Variants in CUBN observed in about 807,000 individuals in gnomAD.
CUBN encodes the protein 460 kDa receptor.
A neutral mutation model predicts 405.3 loss-of-function variants in CUBN; 282 were observed. The ratio of observed to expected loss-of-function variants is 0.70; its 90% CI spans 0.63 to 0.77. The LOEUF is 0.77. Among genes scored for constraint, CUBN ranks in the 30% least tolerant of loss-of-function variants. The pLI is 0.00. For missense variants in CUBN, 4,514 were observed against 4,475.2 expected, an observed-to-expected ratio of 1.01 and a Z score of -0.25; for synonymous variants, 1,684 against 1,617.0, an observed-to-expected ratio of 1.04 and a Z score of -0.99.
intron 40 of CUBN, among the ~76,000 whole-genome samples, chr10:16,930,116 C>A (rs1226566260): frequency 6.6e-6 from 1 of 152,122 alleles, no homozygotes; most frequent in African/African-American, 2.4e-5. Context: ...TGAGCCTAAT[C>A]TTTAAAGAGG....
At chr10:16,977,157 G>A (rs1164609764) in intron 31 of CUBN, among the ~76,000 whole-genome samples, 2 of 152,106 alleles carry the variant, frequency 1.3e-5, no homozygotes, top group Admixed American at 6.6e-5. Context: ...GATACACACA[G>A]GATACAGGGA....
chr10:16,879,365 T>C (rs1840604782), intron 56 of CUBN, among the ~76,000 whole-genome samples: 1 of 152,240 alleles, frequency 6.6e-6, no homozygotes, highest in African/African-American at 2.4e-5. Flanking sequence ...AAGAACAAAA[T>C]GCTTTTATTT....
At chr10:17,101,046 A>T (rs1044518545) in intron 13 of CUBN, among the ~76,000 whole-genome samples, 2 of 152,238 alleles carry the variant, frequency 1.3e-5, no homozygotes, top group Non-Finnish European at 2.9e-5. Context: ...TTTAATTTTC[A>T]TCAGAACCTA....
chr10:17,039,486 T>G (rs774363562), intron 27 of CUBN, among the ~76,000 whole-genome samples: 3 of 152,168 alleles, frequency 2.0e-5, no homozygotes, highest in African/African-American at 4.8e-5. Context: ...GGAATCAGAA[T>G]AGTCCTAACT....
In CUBN at chr10:17,100,232, C is replaced by G. The variant is rs147322950; in HGVS notation, c.1538G>C (p.Arg513Pro). Residue 513 changes from arginine to proline, a missense_variant, in exon 14 of 67, where the codon CGT becomes CCT. Physicochemically the swap from Arg to Pro is moderately radical, Grantham distance 103 (BLOSUM62 -2). Coordinates refer to ENST00000377833, the MANE Select transcript of CUBN (RefSeq NM_001081.4). The stretch of plus-strand genomic sequence containing the variant: ...TAACCGGAAAAAAGTGAAAGTGATA[C>G]GCAGGACCTAAAAATACAAAGGCCA... ...VIKTEMGKVL[R>P]ITFTFFRLES... 5.6e-6 allele frequency: 9 copies of G among 1,603,452 alleles called. No individual in the cohort carries two copies. Among genetic ancestry groups the G allele is most frequent in the Non-Finnish European group, 7.7e-6 (9 of 1,170,492 alleles).
At position 16,904,345 on chromosome 10, in the gene CUBN, T is replaced by C. The variant is rs73592393; in HGVS notation, c.7913-230A>G. 0.01 allele frequency among the ~76,000 whole-genome samples: 1,530 copies of C among 152,360 alleles called. 26 individuals are homozygous for C. Among genetic ancestry groups the C allele is most frequent in the African/African-American group, 0.035 (1,438 of 41,582 alleles). On this transcript the variant is annotated intron_variant, in intron 50 of 66. Transcript: ENST00000377833. ...AAAGCAATTTTGAAATGAACCTCTA[T>C]GATGGACACCATTTTGTTCCAATTT... is the stretch of plus-strand genomic sequence containing the variant.
rs3740165 is a variant in CUBN, at chr10:16,907,551, T to C, written c.7662A>G (p.Pro2554=). ...TATAGGAAGCAGTGAAGCCGCCATA[T>C]GGCCTGGATCCATCCGTGAAAAAAA... ...KVIFFTDGSR[P]YGGFTASYTS... is the part of the protein sequence containing the mutation. Residue 2554 remains proline (P), a synonymous_variant, in exon 49 of 67, where the codon CCA becomes CCG. Transcript: ENST00000377833. 0.046 allele frequency: 74,004 copies of C among 1,614,024 alleles called. 3,003 individuals carry two copies. Among genetic ancestry groups the C allele is most frequent in the African/African-American group, 0.19 (14,275 of 74,998 alleles).
intron 7 of CUBN, 50 bp from the exon 8 acceptor site, chr10:17,114,239 G>A: frequency 1.9e-6 from 3 of 1,588,976 alleles, no homozygotes; most frequent in East Asian, 2.2e-5. Context: ...AAATCAGCAA[G>A]AAAAGCCTTT....
At chr10:17,010,659 T>TAA (rs10677408) in intron 28 of CUBN, among the ~76,000 whole-genome samples, 20,462 of 151,680 alleles carry the variant, frequency 0.13, 1,493 homozygotes, top group African/African-American at 0.18. Context: ...TAAATAAATA[T>TAA]ATAAATATCT....
intron 5 of CUBN, 95 bp from the exon 6 acceptor site, chr10:17,122,993 C>T: frequency 4.7e-6 from 4 of 842,914 alleles, no homozygotes; most frequent in Non-Finnish European, 8.2e-6. Context: ...TATACGTGGA[C>T]AGTATATAAG....
chr10:17,109,591 G>T, intron 10 of CUBN, 49 bp downstream of exon 10: 1 of 1,418,794 alleles, frequency 7.0e-7, no homozygotes, highest in Non-Finnish European at 1.0e-6. Context: ...AATTGGTTTA[G>T]AAGGTCATAT....
chr10:16,894,654 C>T (rs1841128134), intron 54 of CUBN, among the ~76,000 whole-genome samples: 1 of 152,112 alleles, frequency 6.6e-6, no homozygotes, highest in Admixed American at 6.5e-5. Context: ...TTTTATTCTT[C>T]TTTTCCAAGA....
At position 16,990,507 on chromosome 10, in the gene CUBN, C is replaced by T; in HGVS notation, c.4177G>A (p.Gly1393Arg). ...GAGCCTGTGGCCCCAGACAGCTCTC[C>T]ACCACAACCTGTTAAAACAGAAAGG... ...QMQWFVYGCG[G>R]ELSGATGSFS... The change falls in exon 29 of 67, where the codon GGA (glycine) becomes AGA (arginine). Residue 1393 changes from glycine to arginine, a missense_variant. By Grantham distance (125) the Gly-to-Arg change is moderately radical (BLOSUM62 -2). Around this residue, in one of 5 missense-constraint regions of CUBN, gnomAD observed 1,613 missense variants for 1,542.8 expected, o/e 1.05. Transcript: ENST00000377833. The T allele has an allele frequency of 1.2e-6, 2 of 1,614,152 alleles. No individual in the cohort carries two copies. The highest frequency in any genetic ancestry group is 8.5e-7 in the Non-Finnish European group (1 of 1,180,028).
intron 28 of CUBN, among the ~76,000 whole-genome samples, chr10:17,001,803 T>C (rs976479230): frequency 1.3e-5 from 2 of 152,246 alleles, no homozygotes; most frequent in Non-Finnish European, 2.9e-5. Context: ...TTATTTATCC[T>C]GCATTCCTTC....
intron 51 of CUBN, among the ~76,000 whole-genome samples, chr10:16,902,535 C>T (rs751617960): frequency 1.3e-5 from 2 of 151,780 alleles, no homozygotes; most frequent in African/African-American, 2.4e-5. Context: ...ATACTGTTTA[C>T]TGAAACCTGA....
At chr10:16,928,637 C>T (rs1444721048) in intron 40 of CUBN, among the ~76,000 whole-genome samples, 1 of 147,690 alleles carries the variant, frequency 6.8e-6, no homozygotes, top group Non-Finnish European at 1.5e-5. Context: ...TCAAGTGATT[C>T]TCCTGCCTCA....
intron 56 of CUBN, among the ~76,000 whole-genome samples, chr10:16,883,506 A>G (rs777787972): frequency 2.0e-5 from 3 of 152,250 alleles, no homozygotes; most frequent in Non-Finnish European, 2.9e-5. Flanking sequence ...ACAGCAGTTG[A>G]GCAATACCAG....
chr10:17,125,781 G>A (rs976801546), intron 4 of CUBN, among the ~76,000 whole-genome samples: 8 of 152,154 alleles, frequency 5.3e-5, no homozygotes, highest in Non-Finnish European at 1.5e-5. Flanking sequence ...CGAATATAAT[G>A]AAGCCCTCCA....
In CUBN at chr10:16,982,594, G is replaced by A; in HGVS notation, c.4585C>T (p.Pro1529Ser). ...GEIHSPNYPSPYRSNTDCSWV... is the reference protein window; with the variant it reads ...GEIHSPNYPSSYRSNTDCSWV... ...GAACAGTCTGTGTTGCTCCTATAAG[G>A]ACTGGGGTAATTTGGAGAATGAATC... The change falls in exon 31 of 67, where the codon CCT becomes TCT. Residue 1529 changes from proline (P) to serine (S), a missense_variant. Coordinates refer to ENST00000377833, the MANE Select transcript of CUBN (RefSeq NM_001081.4). 1.2e-6 allele frequency: 2 copies of A among 1,613,642 alleles called. No homozygotes were observed. The highest frequency in any genetic ancestry group is 4.5e-5 in the East Asian group (2 of 44,866).
Sources: gnomAD v4.1 joint callset for allele counts (sites outside exome capture counted in the v4.1 genomes callset) on GRCh38, gnomAD v4.1.1 for gene constraint, gnomAD v4.1.1 regional missense constraint, MANE v1.5 for transcripts, NCBI Gene and HGNC (gene_info 2026-07-23, HGNC 2026-07-21) for gene names.